MAPK10: variants seen among roughly 807,000 people sequenced by gnomAD.
MAPK10 encodes the protein JNK3 alpha protein kinase.
A neutral mutation model predicts 59.3 loss-of-function variants in MAPK10; 25 were observed. The ratio of observed to expected loss-of-function variants is 0.42; its 90% confidence interval spans 0.31 to 0.59. MAPK10 has a LOEUF of 0.59. MAPK10 is among the 20% of genes least tolerant of loss of function. The pLI is 0.15. For synonymous variants in MAPK10, 190 were observed against 200.5 expected (o/e 0.95, Z 0.44); for missense variants, 351 against 568.9 (o/e 0.62, Z 3.90).
chr4:86,240,965 G>A (rs1287396083), intron 2 of MAPK10, among the ~76,000 whole-genome samples: 2 of 152,078 alleles, frequency 1.3e-5, no homozygotes, highest in Non-Finnish European at 2.9e-5. Context: ...TTTTTGCAGT[G>A]GCTTGTCCTG....
chr4:86,308,628 A>G (rs1005293261), intron 2 of MAPK10: 7 of 152,170 alleles, frequency 4.6e-5, no homozygotes, highest in African/African-American at 4.8e-5. Flanking sequence ...ATTTAGATGC[A>G]TCTATCCAAG....
At chr4:86,351,885 A>C (rs971304306) in intron 2 of MAPK10, among the ~76,000 whole-genome samples, 3 of 152,208 alleles carry the variant, frequency 2.0e-5, no homozygotes, top group African/African-American at 7.2e-5. Flanking sequence ...GACACATCTC[A>C]AAAAGATTTG....
upstream of MAPK10, among the ~76,000 whole-genome samples, chr4:86,456,128 C>T (rs1751205037): frequency 6.6e-6 from 1 of 152,020 alleles, no homozygotes; most frequent in African/African-American, 2.4e-5. Context: ...GTGACACAAC[C>T]TTTCAAAACC....
chr4:86,502,299 A>G (rs1030358425), intron 1 of MAPK10, among the ~76,000 whole-genome samples: 15 of 152,054 alleles, frequency 9.9e-5, no homozygotes, highest in African/African-American at 3.4e-4. Flanking sequence ...TCAGAATATA[A>G]TGGAAAACAG....
chr4:86,404,805 A>G (rs1380549094), intron 1 of MAPK10, among the ~76,000 whole-genome samples: 2 of 152,202 alleles, frequency 1.3e-5, no homozygotes, highest in Non-Finnish European at 2.9e-5. Context: ...CTATCTTAGT[A>G]GACAGTAAGA....
intron 11 of MAPK10, among the ~76,000 whole-genome samples, chr4:86,055,085 C>T (rs989046361): frequency 6.6e-6 from 1 of 152,134 alleles, no homozygotes; most frequent in Non-Finnish European, 1.5e-5. Flanking sequence ...TTTCTACTTC[C>T]AGGAAACAAA....
chr4:86,332,788 T>C (rs993263003), intron 2 of MAPK10: 1 of 152,192 alleles, frequency 6.6e-6, no homozygotes, highest in East Asian at 1.9e-4. Flanking sequence ...AAGCCCTGGG[T>C]GAAAGCACTC....
intron 2 of MAPK10, among the ~76,000 whole-genome samples, chr4:86,195,306 T>A (rs552650571): frequency 6.6e-6 from 1 of 152,316 alleles, no homozygotes; most frequent in African/African-American, 2.4e-5. Flanking sequence ...AAAAACACCA[T>A]CAATATGCGA....
Position 86,275,283 on chromosome 4 carries a change from A to G in MAPK10, c.-7+79247T>C, listed in dbSNP as rs188089048. ...AATAAGATTGTAGCTAATGTTGTGT[A>G]AAATGCAAGGTCACTAGATGTTTCC... On this transcript the variant is annotated intron_variant, in intron 2 of 13. Coordinates refer to ENST00000641462, the MANE Select transcript of MAPK10 (RefSeq NM_138982.4). Among the ~76,000 whole-genome samples, 218 of 152,182 alleles carry G rather than the reference A, an allele frequency of 1.4e-3. No homozygotes were observed. The Middle Eastern group carries it at 0.027, about 19-fold the overall frequency.
chr4:86,275,944 T>TAC (rs1341063323), intron 2 of MAPK10, among the ~76,000 whole-genome samples: 1 of 152,116 alleles, frequency 6.6e-6, no homozygotes, highest in Non-Finnish European at 1.5e-5. Flanking sequence ...TATAAGGCTG[T>TAC]ACATGAATAG....
At chr4:86,040,713 C>T (rs549783574) in intron 11 of MAPK10, among the ~76,000 whole-genome samples, 23 of 151,874 alleles carry the variant, frequency 1.5e-4, no homozygotes, top group African/African-American at 5.3e-4. Flanking sequence ...AGAAAGGATC[C>T]TAAAGGCACC....
intron 2 of MAPK10, among the ~76,000 whole-genome samples, chr4:86,290,112 A>G (rs528300106): frequency 1.2e-4 from 19 of 152,296 alleles, no homozygotes; most frequent in African/African-American, 4.6e-4. Flanking sequence ...TGGCCACAGG[A>G]TAGGATGAGC....
chr4:86,184,932 T>C (rs1042538605), intron 3 of MAPK10, among the ~76,000 whole-genome samples: 1 of 152,182 alleles, frequency 6.6e-6, no homozygotes, highest in African/African-American at 2.4e-5. Context: ...TTGTGAGTTC[T>C]GCAGTACAGC....
intron 4 of MAPK10, among the ~76,000 whole-genome samples, chr4:86,156,094 T>G (rs2067688435): frequency 6.6e-6 from 1 of 152,062 alleles, no homozygotes; most frequent in African/African-American, 2.4e-5. Flanking sequence ...AATATTTTCG[T>G]ATCCTAGTTG....
At chr4:86,340,076 T>C (rs1723983409) in intron 2 of MAPK10, among the ~76,000 whole-genome samples, 1 of 152,246 alleles carries the variant, frequency 6.6e-6, no homozygotes, top group Non-Finnish European at 1.5e-5. Flanking sequence ...AAGTAGGTAA[T>C]GATACTTGCT....
intron 4 of MAPK10, among the ~76,000 whole-genome samples, chr4:86,128,729 TAAG>T (rs1412603555): frequency 6.6e-6 from 1 of 152,060 alleles, no homozygotes; most frequent in African/African-American, 2.4e-5. Context: ...TATTTAGAAA[TAAG>T]AAGTAAATTT....
chr4:86,106,919 C>T (rs12505595), intron 5 of MAPK10: 30,703 of 169,398 alleles, frequency 0.18, 2,962 homozygotes, highest in African/African-American at 0.24. Context: ...TTTGGCTTTG[C>T]TTGTCTTGTT....
intron 1 of MAPK10, among the ~76,000 whole-genome samples, chr4:86,565,972 G>A (rs1761033711): frequency 1.3e-5 from 2 of 152,090 alleles, no homozygotes; most frequent in South Asian, 4.1e-4. Flanking sequence ...CAAGTCTCTT[G>A]TAACTTCTCC....
chr4:86,578,218 G>A (rs1459131415), intron 1 of MAPK10, among the ~76,000 whole-genome samples: 12 of 152,096 alleles, frequency 7.9e-5, no homozygotes, highest in Admixed American at 7.9e-4. Context: ...GCATCTAGTG[G>A]GTAGAGGCCA....
Sources: allele counts gnomAD v4.1 joint callset (sites outside exome capture counted in the v4.1 genomes callset), GRCh38; gene constraint gnomAD v4.1.1; transcripts MANE v1.5; gene names NCBI Gene and HGNC (gene_info 2026-07-23, HGNC 2026-07-21).